The following PRDX6 variants were observed in gnomAD, a reference collection of about 807,000 sequenced individuals.
The protein encoded by PRDX6 is peroxiredoxin 6.
In PRDX6, 13 loss-of-function variants were observed where a neutral mutation model predicts 20.0. The observed-to-expected ratio is 0.65, with a 90% CI of 0.42 to 1.03. PRDX6 has a LOEUF of 1.03. PRDX6 is among the 50% of genes least tolerant of loss of function. The pLI is 0.00. For missense variants in PRDX6, 203 were observed against 276.9 expected, an observed-to-expected ratio of 0.73 and a Z score of 1.89; for synonymous variants, 85 against 100.8, an observed-to-expected ratio of 0.84 and a Z score of 0.94.
In PRDX6 at chr1:173,488,081, C is replaced by CTGGT. The variant is rs1256895053; in HGVS notation, c.*220_*223dup. 5.6e-6 allele frequency: 3 copies of CTGGT among 531,270 alleles called. No individual in the cohort carries two copies. The allele number at this position is 531,270 out of a possible 1,614,324, so 32.9% of individuals were successfully genotyped here. On this transcript the variant is annotated 3_prime_UTR_variant, in exon 5 of 5. Transcript: ENST00000340385. ...ATTCCATTCATACATCAGCACTCTG[C>CTGGT]TGGTTCTGTTTGAAATATGTTCTGT...
chr1:173,481,041 G>A (rs1658792387), intron 1 of PRDX6, among the ~76,000 whole-genome samples: 1 of 152,140 alleles, frequency 6.6e-6, no homozygotes, highest in South Asian at 2.1e-4. Flanking sequence ...AGTCAGGGTG[G>A]CACCATAATT....
chr1:173,481,109 CA>C, intron 1 of PRDX6: 2 of 512,494 alleles, frequency 3.9e-6, no homozygotes, highest in Non-Finnish European at 6.9e-6. Flanking sequence ...TCTTGAATTT[CA>C]TGTCTTTGAT....
At chr1:173,486,133 A>T in intron 3 of PRDX6, 122 bp from the exon 4 acceptor site, 1 of 801,858 alleles carries the variant, frequency 1.2e-6, no homozygotes, top group Non-Finnish European at 1.8e-6. Flanking sequence ...GTATCCTTCT[A>T]GATGCTTTGT....
In PRDX6 at chr1:173,487,068, A is replaced by G. The variant is rs34396267; in HGVS notation, c.546+667A>G. ...TGAACTGGGGAGATAGCAGTGAATA[A>G]TAGAAAGTCCTTGCCCTCATAGAAC... is the stretch of plus-strand genomic sequence containing the variant. On this transcript the variant is annotated intron_variant, in intron 4 of 4. Transcript: ENST00000340385. Among the ~76,000 whole-genome samples the G allele has an allele frequency of 7.0e-3, 1,068 of 152,342 alleles. 8 individuals carry two copies. The highest frequency in any genetic ancestry group is 0.024 in the African/African-American group (990 of 41,572).
At chr1:173,485,649 C>G (rs919234544) in intron 3 of PRDX6, 142 bp downstream of exon 3, 1 of 768,876 alleles carries the variant, frequency 1.3e-6, no homozygotes, top group African/African-American at 1.8e-5. Context: ...CACTGATTAT[C>G]TGTAATGCTG....
rs4611 is a variant in PRDX6, at chr1:173,487,878, C to T, written c.*15C>T. 429,947 of 1,611,100 alleles carry T rather than the reference C, an allele frequency of 0.27. 65,943 individuals carry two copies. The highest frequency in any genetic ancestry group is 0.63 in the African/African-American group (47,276 of 74,858). On this transcript the variant is annotated 3_prime_UTR_variant, in exon 5 of 5. Coordinates refer to ENST00000340385, the MANE Select transcript of PRDX6 (RefSeq NM_004905.3). ...CCCAGCCTTAAGTCTCTTGGAGAAG[C>T]TGGTGCTGTGAGCCAGAGGATGTCA...
chr1:173,482,642 A>C (rs1658822681), intron 2 of PRDX6, among the ~76,000 whole-genome samples: 1 of 152,226 alleles, frequency 6.6e-6, no homozygotes, highest in South Asian at 2.1e-4. Context: ...GATGTATACT[A>C]GAAACTATGT....
At chr1:173,485,165 G>C (rs992122871) in intron 2 of PRDX6, among the ~76,000 whole-genome samples, 196 bp from the exon 3 acceptor site, 1 of 152,160 alleles carries the variant, frequency 6.6e-6, no homozygotes, top group South Asian at 2.1e-4. Flanking sequence ...CCTAAGTACT[G>C]TACTCTGCTG....
chr1:173,486,779 A>T (rs1253299156), intron 4 of PRDX6, among the ~76,000 whole-genome samples: 1 of 152,220 alleles, frequency 6.6e-6, no homozygotes, highest in Non-Finnish European at 1.5e-5. Flanking sequence ...CTGGTGTATT[A>T]ATGTCATTAA....
chr1:173,482,802 A>G (rs1040850757), intron 2 of PRDX6, among the ~76,000 whole-genome samples: 1 of 152,258 alleles, frequency 6.6e-6, no homozygotes, highest in Non-Finnish European at 1.5e-5. Flanking sequence ...TCTGTCTTGA[A>G]GTAGAATTTT....
Position 173,477,403 on chromosome 1 carries a change from C to G in PRDX6, c.6C>G (p.Pro2=), listed in dbSNP as rs762476815. Residue 2 remains proline, a synonymous_variant, in exon 1 of 5, where the codon CCC becomes CCG. Coordinates refer to ENST00000340385, the MANE Select transcript of PRDX6 (RefSeq NM_004905.3). ...GCCCCCTCATCACCGTCGCCATGCCCGGAGGTCTGCTTCTCGGGGACGTGG... is the reference window on the plus strand; with the variant it reads ...GCCCCCTCATCACCGTCGCCATGCCGGGAGGTCTGCTTCTCGGGGACGTGG... M[P]GGLLLGDVAP... The G allele has an allele frequency of 1.2e-6, 2 of 1,607,432 alleles. No homozygotes were observed. The highest frequency in any genetic ancestry group is 2.7e-5 in the African/African-American group (2 of 73,988).
intron 2 of PRDX6, among the ~76,000 whole-genome samples, chr1:173,484,259 A>G (rs911174686): frequency 1.3e-5 from 2 of 149,976 alleles, no homozygotes; most frequent in East Asian, 3.9e-4. Flanking sequence ...GTGTGCATAT[A>G]TATATATAGT....
In PRDX6 at chr1:173,477,360, G is replaced by A; in HGVS notation, c.-38G>A. Reference sequence around the variant, plus strand: ...GCTTCTTCGCCAGAACCAACCGGTTGCTTGCTGTCCCAGCGGCGCCCCCTC... The same window carrying A: ...GCTTCTTCGCCAGAACCAACCGGTTACTTGCTGTCCCAGCGGCGCCCCCTC... On this transcript the variant is annotated 5_prime_UTR_variant, in exon 1 of 5. Coordinates refer to ENST00000340385, the MANE Select transcript of PRDX6 (RefSeq NM_004905.3). The A allele has an allele frequency of 6.7e-7, 1 of 1,486,444 alleles. No homozygotes were observed. The highest frequency in any genetic ancestry group is 9.2e-7 in the Non-Finnish European group (1 of 1,088,672). 92.1% of individuals were successfully genotyped at this position (1,486,444 alleles called of 1,614,324 possible).
At chr1:173,477,616 C>G (rs1456560633) in intron 1 of PRDX6, 124 bp downstream of exon 1, 1 of 798,624 alleles carries the variant, frequency 1.3e-6, no homozygotes, top group East Asian at 3.2e-5. Flanking sequence ...TCGCCTTCCC[C>G]CGCACTGGTT....
At chr1:173,483,337 A>C (rs1013925313) in intron 2 of PRDX6, among the ~76,000 whole-genome samples, 1 of 152,240 alleles carries the variant, frequency 6.6e-6, no homozygotes, top group East Asian at 1.9e-4. Context: ...TGCCTCTAGC[A>C]TGAGACTATA....
chr1:173,486,525 G>T, intron 4 of PRDX6, 124 bp downstream of exon 4: 1 of 1,060,272 alleles, frequency 9.4e-7, no homozygotes, highest in South Asian at 1.9e-5. Context: ...TTTTCCTCAT[G>T]GCTGAGTTCA....
chr1:173,481,147 T>C, intron 1 of PRDX6, 179 bp from the exon 2 acceptor site: 1 of 608,604 alleles, frequency 1.6e-6, no homozygotes, highest in Non-Finnish European at 2.8e-6. Flanking sequence ...CATAGGCTTC[T>C]CTGGAGGTAA....
rs141379410 is a variant in PRDX6, at chr1:173,478,112, A to G, written c.95+620A>G. On this transcript the variant is annotated intron_variant, in intron 1 of 4. Coordinates refer to ENST00000340385, the MANE Select transcript of PRDX6 (RefSeq NM_004905.3). ...CTTCTGGGCACAAAATGTGAAATTT[A>G]AAACCACTAGCTGCCAAGTAGGTGG... Among the ~76,000 whole-genome samples, 21 of 152,358 alleles carry G rather than the reference A, an allele frequency of 1.4e-4. No individual in the cohort carries two copies. In the East Asian group the frequency reaches 2.7e-3, roughly 20 times the overall value.
chr1:173,485,153 A>C (rs958921825), intron 2 of PRDX6, among the ~76,000 whole-genome samples: 2 of 152,206 alleles, frequency 1.3e-5, no homozygotes, highest in African/African-American at 2.4e-5. Context: ...CCATGATTAC[A>C]ACCTAAGTAC....
Sources: gnomAD v4.1 joint callset for allele counts (sites outside exome capture counted in the v4.1 genomes callset) on GRCh38, gnomAD v4.1.1 for gene constraint, MANE v1.5 for transcripts, NCBI Gene and HGNC (gene_info 2026-07-23, HGNC 2026-07-21) for gene names.